The following ZNF813 variants were observed in gnomAD, a reference collection of about 807,000 sequenced individuals.
ZNF813 encodes zinc finger protein 813.
ZNF813 carries 3 observed loss-of-function variants against 7.2 expected under a neutral mutation model. That is an observed-to-expected ratio of 0.42 (90% CI 0.19 to 1.08). The LOEUF is 1.08. Among genes scored for constraint, ZNF813 ranks in the 50% least tolerant of loss-of-function variants. The pLI is 0.30. For synonymous variants in ZNF813, 227 were observed against 256.3 expected, an observed-to-expected ratio of 0.89 and a Z score of 1.09; for missense variants, 714 against 753.3, an observed-to-expected ratio of 0.95 and a Z score of 0.61.
intron 1 of ZNF813, among the ~76,000 whole-genome samples, chr19:53,470,275 T>G (rs2086352073): frequency 1.3e-5 from 2 of 152,284 alleles, no homozygotes; most frequent in South Asian, 2.1e-4. Flanking sequence ...AACTGTTCTC[T>G]AAGTGAGCTT....
chr19:53,484,225 C>T lies in ZNF813; in HGVS notation c.15+388C>T, dbSNP rs533956245. Among the ~76,000 whole-genome samples, 26 of 152,198 alleles carry T rather than the reference C, an allele frequency of 1.7e-4. 1 individual carries two copies. The highest frequency in any genetic ancestry group is 2.6e-4 in the Admixed American group (4 of 15,294). Reference sequence around the variant, plus strand: ...GTCACATATTCATGTGCACAAAGTACGTGGTAAATTCTAGAAAAGGCAACC... The same window carrying T: ...GTCACATATTCATGTGCACAAAGTATGTGGTAAATTCTAGAAAAGGCAACC... On this transcript the variant is annotated intron_variant, in intron 2 of 3. Coordinates refer to ENST00000396403, the MANE Select transcript of ZNF813 (RefSeq NM_001004301.4).
At position 53,467,776 on chromosome 19, in the gene ZNF813, T is replaced by A; in HGVS notation, c.-87T>A. Reference sequence around the variant, plus strand: ...GGAAGCGGATCGCGTGGAGTGACGGTCCCACGGCAGCGCGTGAGTTTGGCT... The same window carrying A: ...GGAAGCGGATCGCGTGGAGTGACGGACCCACGGCAGCGCGTGAGTTTGGCT... On this transcript the variant is annotated 5_prime_UTR_variant, in exon 1 of 4. Transcript: ENST00000396403. 5.6e-6 allele frequency: 1 copy of A among 178,618 alleles called. No individual in the cohort carries two copies. Among genetic ancestry groups the A allele is most frequent in the Non-Finnish European group, 1.2e-5 (1 of 81,030 alleles). The allele number at this position is 178,618 out of a possible 1,614,324, so 11.1% of individuals were successfully genotyped here.
At chr19:53,487,912 A>T (rs564956254) in intron 3 of ZNF813, among the ~76,000 whole-genome samples, 1 of 151,886 alleles carries the variant, frequency 6.6e-6, no homozygotes, top group East Asian at 1.9e-4. Flanking sequence ...ATATATGTAT[A>T]TTGTGTTTTC....
At chr19:53,474,414 C>T (rs1314146708) in intron 1 of ZNF813, among the ~76,000 whole-genome samples, 1 of 152,128 alleles carries the variant, frequency 6.6e-6, no homozygotes, top group African/African-American at 2.4e-5. Context: ...CGTGGCCGGG[C>T]GCGGTGGCTC....
At position 53,470,160 on chromosome 19, in the gene ZNF813, T is replaced by TCCTTCCTTCCTTCCTTCCTTCC. The variant is rs146034098; in HGVS notation, c.-74+2371_-74+2372insCCTTCCTTCCTTCCTTCCTTCC. 1.0e-3 allele frequency among the ~76,000 whole-genome samples: 134 copies of TCCTTCCTTCCTTCCTTCCTTCC among 129,066 alleles called. 3 individuals carry two copies. The highest frequency in any genetic ancestry group is 3.1e-3 in the South Asian group (12 of 3,866). The allele number at this position is 129,066 out of a possible 152,430, so 84.7% of individuals were successfully genotyped here. ...TGTTTTCTTTCTTTCTTTCTTTCTT[T>TCCTTCCTTCCTTCCTTCCTTCC]TTCTTTTCTTTTCTTTCTTTCTTTC... On this transcript the variant is annotated intron_variant, in intron 1 of 3. Transcript: ENST00000396403.
intron 3 of ZNF813, among the ~76,000 whole-genome samples, chr19:53,487,166 T>C (rs2086438591): frequency 6.6e-6 from 1 of 152,108 alleles, no homozygotes; most frequent in African/African-American, 2.4e-5. Context: ...TTAAGGCCAA[T>C]ATGAGTCTTC....
intron 1 of ZNF813, among the ~76,000 whole-genome samples, chr19:53,475,923 T>G (rs1343954145): frequency 6.6e-6 from 1 of 152,188 alleles, no homozygotes; most frequent in Non-Finnish European, 1.5e-5. Flanking sequence ...TGATTAGGTT[T>G]TCAAAGGAGG....
rs879181790 is a variant in ZNF813, at chr19:53,491,353, A to G, written c.1121A>G (p.His374Arg). 4 of 1,612,650 alleles carry G rather than the reference A, an allele frequency of 2.5e-6. No homozygotes were observed. The highest frequency in any genetic ancestry group is 2.2e-5 in the East Asian group (1 of 44,854). The change falls in exon 4 of 4, where the codon CAT becomes CGT. Residue 374 changes from histidine (H) to arginine (R), a missense_variant. Coordinates refer to ENST00000396403, the MANE Select transcript of ZNF813 (RefSeq NM_001004301.4). ...CGGAAGTCATCCCTTACATGCCATC[A>G]TAGACTTCATACGGGAGAGAAACCT... ...FSRKSSLTCH[H>R]RLHTGEKPYK...
intron 1 of ZNF813, among the ~76,000 whole-genome samples, chr19:53,468,911 G>T (rs1232683028): frequency 1.3e-5 from 2 of 149,084 alleles, no homozygotes; most frequent in Non-Finnish European, 3.0e-5. Flanking sequence ...CTCTTTACGG[G>T]TGTCCGGCTG....
intron 1 of ZNF813, among the ~76,000 whole-genome samples, chr19:53,482,554 AT>A: frequency 6.6e-6 from 1 of 152,000 alleles, no homozygotes; most frequent in South Asian, 2.1e-4. Context: ...ATGTCCCTAA[AT>A]GATCACGGCA....
chr19:53,479,564 C>A, intron 1 of ZNF813: 1 of 1,164,720 alleles, frequency 8.6e-7, no homozygotes, highest in East Asian at 2.4e-5. Context: ...CTGGCCACTG[C>A]CCTGCAAAAG....
At chr19:53,486,446 C>A (rs1177916518) in intron 2 of ZNF813, among the ~76,000 whole-genome samples, 186 bp from the exon 3 acceptor site, 211 of 133,420 alleles carry the variant, frequency 1.6e-3, no homozygotes, top group Admixed American at 1.6e-3. Context: ...GACTCCACCT[C>A]AAAAAAAAAA....
At chr19:53,469,742 C>T (rs2086346799) in intron 1 of ZNF813, among the ~76,000 whole-genome samples, 1 of 115,064 alleles carries the variant, frequency 8.7e-6, no homozygotes. Context: ...GTGGCAAGAA[C>T]AGAGGGAGAA....
chr19:53,472,387 C>T lies in ZNF813; in HGVS notation c.-74+4598C>T, dbSNP rs1161771788. Among the ~76,000 whole-genome samples the T allele has an allele frequency of 6.6e-5, 10 of 152,076 alleles. No individual in the cohort carries two copies. The South Asian group carries it at 1.2e-3, about 19-fold the overall frequency. On this transcript the variant is annotated intron_variant, in intron 1 of 3. Transcript: ENST00000396403. ...CTTTATACAGGTAGGTTACCACAGA[C>T]GGATGAGTCTAGGTCTGCTGCTGGA...
chr19:53,480,111 G>A (rs1480959714), intron 1 of ZNF813: 3 of 761,698 alleles, frequency 3.9e-6, no homozygotes, highest in African/African-American at 1.7e-5. Context: ...GTCCCACCCT[G>A]CTGCTGCTCC....
chr19:53,487,835 TTC>T (rs1301242701), intron 3 of ZNF813, among the ~76,000 whole-genome samples: 1 of 150,726 alleles, frequency 6.6e-6, no homozygotes, highest in South Asian at 2.1e-4. Flanking sequence ...CTGCAAAAAC[TTC>T]TCTTTCTCCA....
chr19:53,488,952 G>T (rs1290109316), intron 3 of ZNF813, among the ~76,000 whole-genome samples: 1 of 152,004 alleles, frequency 6.6e-6, no homozygotes, highest in Non-Finnish European at 1.5e-5. Context: ...TTTTATGATT[G>T]TACATAAAGC....
chr19:53,472,937 GTCCTTGTACAC>G (rs2086366578), intron 1 of ZNF813, among the ~76,000 whole-genome samples: 1 of 152,082 alleles, frequency 6.6e-6, no homozygotes, highest in Non-Finnish European at 1.5e-5. Flanking sequence ...TCTTAAGCGA[GTCCTTGTACAC>G]TCATAATAAG....
At chr19:53,476,741 C>T (rs2086383725) in intron 1 of ZNF813, among the ~76,000 whole-genome samples, 1 of 152,062 alleles carries the variant, frequency 6.6e-6, no homozygotes, top group African/African-American at 2.4e-5. Flanking sequence ...GCAAGCTCCG[C>T]CTCCTCCCGC....
Sources: gnomAD v4.1 joint callset for allele counts (sites outside exome capture counted in the v4.1 genomes callset) on GRCh38, gnomAD v4.1.1 for gene constraint, MANE v1.5 for transcripts, NCBI Gene and HGNC (gene_info 2026-07-23, HGNC 2026-07-21) for gene names.